QKI: variants seen among roughly 807,000 people sequenced by gnomAD.
QKI encodes the protein QKI, KH domain containing RNA binding.
QKI carries 10 observed loss-of-function variants against 39.0 expected under a neutral mutation model. The observed-to-expected ratio is 0.26, with a 90% CI of 0.16 to 0.43. QKI has a LOEUF of 0.43. Among genes scored for constraint, QKI ranks in the 20% least tolerant of loss-of-function variants. QKI has a pLI of 1.00. For missense variants in QKI, 218 were observed against 428.0 expected, an observed-to-expected ratio of 0.51 and a Z score of 4.33; for synonymous variants, 204 against 155.4, an observed-to-expected ratio of 1.31 and a Z score of -2.33.
intron 1 of QKI, among the ~76,000 whole-genome samples, chr6:163,444,890 CAA>C: frequency 6.6e-6 from 1 of 151,932 alleles, no homozygotes; most frequent in Non-Finnish European, 1.5e-5. Flanking sequence ...CCCCAAAGTC[CAA>C]AGCAAACACT....
chr6:163,439,118 C>T (rs112837581), intron 1 of QKI, among the ~76,000 whole-genome samples: 27 of 152,256 alleles, frequency 1.8e-4, no homozygotes, highest in African/African-American at 6.5e-4. Context: ...CAGCTTGGCC[C>T]ACTGCCAGGT....
At chr6:163,552,240 G>T (rs867273021) in intron 4 of QKI, among the ~76,000 whole-genome samples, 2 of 114,818 alleles carry the variant, frequency 1.7e-5, no homozygotes, top group Non-Finnish European at 3.3e-5. Context: ...ACAGAGACTA[G>T]CTCTGTTGCC....
chr6:163,501,365 G>A (rs556099934), intron 3 of QKI, among the ~76,000 whole-genome samples: 2 of 151,834 alleles, frequency 1.3e-5, no homozygotes, highest in South Asian at 2.1e-4. Context: ...GTACATACAA[G>A]AGAAGAGAAT....
At position 163,526,842 on chromosome 6, in the gene QKI, T is replaced by G. The variant is rs9295223; in HGVS notation, c.403-8140T>G. 2.0e-3 allele frequency among the ~76,000 whole-genome samples: 301 copies of G among 152,062 alleles called. 2 individuals carry two copies. The highest frequency in any genetic ancestry group is 2.7e-3 in the Non-Finnish European group (182 of 67,970). On this transcript the variant is annotated intron_variant, in intron 3 of 7. Coordinates refer to ENST00000361752, the MANE Select transcript of QKI (RefSeq NM_006775.3). ...GGCCAGAATAGTATTTTGGCTAGTA[T>G]TGGGGTTATATAAATTTAGTTTAGA...
chr6:163,574,544 A>C lies in QKI; in HGVS notation c.*3834A>C, dbSNP rs773400252. On this transcript the variant is annotated 3_prime_UTR_variant, in exon 8 of 8. Coordinates refer to ENST00000361752, the MANE Select transcript of QKI (RefSeq NM_006775.3). Reference sequence around the variant, plus strand: ...CTACTTTACAAATACAGTCAGACTAAAACATTAAACAAGAAGTTTAAGGGG... The same window carrying C: ...CTACTTTACAAATACAGTCAGACTACAACATTAAACAAGAAGTTTAAGGGG... The C allele has an allele frequency of 6.6e-6, 1 of 152,200 alleles. No individual in the cohort carries two copies. Among genetic ancestry groups the C allele is most frequent in the African/African-American group, 2.4e-5 (1 of 41,454 alleles). The allele number at this position is 152,200 out of a possible 1,614,324, so 9.4% of individuals were successfully genotyped here. A position where few individuals can be genotyped will look rare whatever the true frequency, so the allele number is the denominator to read the frequency against.
At chr6:163,438,133 A>C (rs985291295) in intron 1 of QKI, among the ~76,000 whole-genome samples, 1 of 152,200 alleles carries the variant, frequency 6.6e-6, no homozygotes, top group African/African-American at 2.4e-5. Flanking sequence ...AGTCATTTGC[A>C]AACAGCATTT....
rs1309814843 is a variant in QKI at position 163,475,261 on chromosome 6, G to C, written c.286-3519G>C. 2.6e-5 allele frequency among the ~76,000 whole-genome samples: 4 copies of C among 152,144 alleles called. No individual in the cohort carries two copies. In the East Asian group the frequency reaches 5.8e-4, roughly 22 times the overall value. On this transcript the variant is annotated intron_variant, in intron 2 of 7. Transcript: ENST00000361752. ...GTTTGTATCCTCAGGTTCCACATCT[G>C]TGGATTCAACCAACCTAGGATCAAA...
intron 1 of QKI, among the ~76,000 whole-genome samples, chr6:163,421,806 G>A (rs751112844): frequency 6.6e-5 from 10 of 150,734 alleles, no homozygotes; most frequent in Non-Finnish European, 1.2e-4. Flanking sequence ...ATGCAGTGGC[G>A]TGCTCTCGGC....
At chr6:163,492,037 A>C (rs1358690094) in intron 3 of QKI, among the ~76,000 whole-genome samples, 1 of 152,196 alleles carries the variant, frequency 6.6e-6, no homozygotes, top group Non-Finnish European at 1.5e-5. Context: ...GGAATATTTG[A>C]GCATCTTGTA....
intron 1 of QKI, among the ~76,000 whole-genome samples, chr6:163,451,230 A>G (rs1583011824): frequency 6.6e-6 from 1 of 152,208 alleles, no homozygotes; most frequent in African/African-American, 2.4e-5. Flanking sequence ...TTTGCCAAGG[A>G]AGTAAAGATA....
intron 1 of QKI, among the ~76,000 whole-genome samples, chr6:163,453,565 A>G (rs1279095304): frequency 6.6e-6 from 1 of 152,184 alleles, no homozygotes; most frequent in Non-Finnish European, 1.5e-5. Flanking sequence ...TTGGTTGTTG[A>G]AAACTTGATT....
chr6:163,435,200 A>G (rs1225320835), intron 1 of QKI, among the ~76,000 whole-genome samples: 2 of 152,236 alleles, frequency 1.3e-5, no homozygotes, highest in African/African-American at 4.8e-5. Context: ...CGCAATTGTT[A>G]CAGGTTTTTC....
chr6:163,525,724 T>A (rs1780470274), intron 3 of QKI, among the ~76,000 whole-genome samples: 1 of 152,328 alleles, frequency 6.6e-6, no homozygotes, highest in Admixed American at 6.5e-5. Flanking sequence ...TGTTGACTTT[T>A]AAGTATTGTA....
At chr6:163,497,822 A>C (rs1583101094) in intron 3 of QKI, among the ~76,000 whole-genome samples, 1 of 151,720 alleles carries the variant, frequency 6.6e-6, no homozygotes, top group Non-Finnish European at 1.5e-5. Context: ...TTCACTTCCA[A>C]AACATTCTGG....
chr6:163,570,185 A>T, intron 7 of QKI: 1 of 985,554 alleles, frequency 1.0e-6, no homozygotes, highest in Non-Finnish European at 1.2e-6. Context: ...CAAATGGTTC[A>T]TAGAATTTTG....
At chr6:163,538,107 C>G (rs2128242071) in intron 4 of QKI, among the ~76,000 whole-genome samples, 2 of 152,244 alleles carry the variant, frequency 1.3e-5, no homozygotes, top group East Asian at 3.9e-4. Context: ...GTCTTCTCAC[C>G]TCTGGGCCTT....
At chr6:163,496,675 C>G (rs1778433847) in intron 3 of QKI, among the ~76,000 whole-genome samples, 3 of 152,196 alleles carry the variant, frequency 2.0e-5, no homozygotes, top group African/African-American at 7.2e-5. Context: ...GTTTTCTACT[C>G]TTTGCCTCCT....
chr6:163,513,619 A>C, intron 3 of QKI, among the ~76,000 whole-genome samples: 1 of 152,298 alleles, frequency 6.6e-6, no homozygotes, highest in Middle Eastern at 3.4e-3. Flanking sequence ...ACAGCAATCT[A>C]TACTACCAGG....
intron 3 of QKI, among the ~76,000 whole-genome samples, chr6:163,515,765 C>T (rs1779752379): frequency 6.6e-6 from 1 of 152,116 alleles, no homozygotes; most frequent in Non-Finnish European, 1.5e-5. Context: ...ATTAAACTTT[C>T]AGAAAGCACT....
Sources: gnomAD v4.1 joint callset for allele counts (sites outside exome capture counted in the v4.1 genomes callset) on GRCh38, gnomAD v4.1.1 for gene constraint, MANE v1.5 for transcripts, NCBI Gene and HGNC (gene_info 2026-07-23, HGNC 2026-07-21) for gene names.